The following MAD1L1 variants were observed in gnomAD, a reference collection of about 807,000 sequenced individuals.
The protein encoded by MAD1L1 is mitotic spindle assembly checkpoint protein MAD1.
MAD1L1 carries 95 observed loss-of-function variants against 96.9 expected under a neutral mutation model. That is an observed-to-expected ratio of 0.98 (90% CI 0.83 to 1.16). The LOEUF (loss-of-function observed/expected upper bound fraction) is 1.16. MAD1L1 is among the 50% of genes most tolerant of loss of function. The pLI is 0.00. For missense variants in MAD1L1, 1,007 were observed against 954.4 expected, an observed-to-expected ratio of 1.06 and a Z score of -0.73; for synonymous variants, 473 against 396.6, an observed-to-expected ratio of 1.19 and a Z score of -2.29.
Position 1,816,033 on chromosome 7 carries a change from A to G in MAD1L1, c.*37T>C. 6.4e-7 allele frequency: 1 copy of G among 1,569,750 alleles called. No individual in the cohort carries two copies. Among genetic ancestry groups the G allele is most frequent in the Non-Finnish European group, 8.6e-7 (1 of 1,157,374 alleles). Reference sequence around the variant, plus strand: ...GGCAGGGGACCTGCAGGTCAGGCCAAGCAGAGTGGCTCCGGCTATGCCCCC... The same window carrying G: ...GGCAGGGGACCTGCAGGTCAGGCCAGGCAGAGTGGCTCCGGCTATGCCCCC... On this transcript the variant is annotated 3_prime_UTR_variant, in exon 19 of 19. Coordinates refer to ENST00000265854, the MANE Select transcript of MAD1L1 (RefSeq NM_001013836.2).
At chr7:2,163,921 C>G (rs1419116205) in intron 10 of MAD1L1, among the ~76,000 whole-genome samples, 1 of 151,968 alleles carries the variant, frequency 6.6e-6, no homozygotes, top group Non-Finnish European at 1.5e-5. Flanking sequence ...TTCTGCAAAC[C>G]ATCCCAAGCA....
At chr7:1,863,611 C>T (rs1324153347) in intron 18 of MAD1L1, among the ~76,000 whole-genome samples, 1 of 152,224 alleles carries the variant, frequency 6.6e-6, no homozygotes, top group Non-Finnish European at 1.5e-5. Context: ...TTGCAGAGAC[C>T]GTCACCTGCC....
intron 12 of MAD1L1, among the ~76,000 whole-genome samples, chr7:2,054,014 G>T (rs1346314871): frequency 6.6e-6 from 1 of 152,210 alleles, no homozygotes; most frequent in Non-Finnish European, 1.5e-5. Flanking sequence ...GGCGGGAGGG[G>T]TCAGGGCTGC....
At position 2,028,479 on chromosome 7, in the gene MAD1L1, C is replaced by A. The variant is rs1051442360; in HGVS notation, c.1219-13837G>T. On this transcript the variant is annotated intron_variant, in intron 12 of 18. Coordinates refer to ENST00000265854, the MANE Select transcript of MAD1L1 (RefSeq NM_001013836.2). Reference sequence around the variant, plus strand: ...AAACACATGTTAGCATATAGTACGTCCATGGATTAGAAGATTCAATATTGT... The same window carrying A: ...AAACACATGTTAGCATATAGTACGTACATGGATTAGAAGATTCAATATTGT... Among the ~76,000 whole-genome samples, 28 of 151,700 alleles carry A rather than the reference C, an allele frequency of 1.8e-4. 1 individual carries two copies.
At chr7:2,080,933 T>C (rs1466193151) in intron 11 of MAD1L1, among the ~76,000 whole-genome samples, 1 of 152,156 alleles carries the variant, frequency 6.6e-6, no homozygotes, top group Non-Finnish European at 1.5e-5. Flanking sequence ...TGGCCTGCAC[T>C]TTGTGACATT....
rs1562419180 is a variant in MAD1L1, at chr7:1,816,174, T to C, written c.2053A>G (p.Thr685Ala). Residue 685 changes from threonine to alanine, a missense_variant, in exon 19 of 19, where the codon ACC becomes GCC. Physicochemically the swap from Thr to Ala is moderately conservative, Grantham distance 58. Coordinates refer to ENST00000265854, the MANE Select transcript of MAD1L1 (RefSeq NM_001013836.2). ...MQLLETEFSH[T>A]VGELIEVHLR... ...TGCACCTCGATGAGCTCGCCCACGG[T>C]GTGTGAGAACTCTGTCTCCAGTAGC... The C allele has an allele frequency of 2.5e-6, 4 of 1,613,372 alleles. No homozygotes were observed. Among genetic ancestry groups the C allele is most frequent in the Non-Finnish European group, 1.7e-6 (2 of 1,179,848 alleles).
intron 11 of MAD1L1, among the ~76,000 whole-genome samples, chr7:2,111,798 G>A (rs1348535831): frequency 1.3e-5 from 2 of 151,912 alleles, no homozygotes; most frequent in Admixed American, 6.5e-5. Flanking sequence ...TGCACACACA[G>A]CAAACGCACA....
intron 18 of MAD1L1, among the ~76,000 whole-genome samples, chr7:1,853,233 TG>T (rs1784071742): frequency 6.6e-6 from 1 of 152,146 alleles, no homozygotes; most frequent in Admixed American, 6.5e-5. Context: ...CTGCTGACTG[TG>T]GGAACTTGCC....
At chr7:2,141,086 A>G (rs995160413) in intron 11 of MAD1L1, among the ~76,000 whole-genome samples, 1 of 152,222 alleles carries the variant, frequency 6.6e-6, no homozygotes, top group Non-Finnish European at 1.5e-5. Flanking sequence ...CAGACCCCAG[A>G]GCCCAGCGGC....
intron 12 of MAD1L1, among the ~76,000 whole-genome samples, chr7:2,053,255 G>A (rs554396412): frequency 1.8e-4 from 28 of 152,310 alleles, no homozygotes; most frequent in African/African-American, 5.1e-4. Context: ...TTTGGGGGCC[G>A]CGGAGGCCCA....
chr7:2,107,960 GA>G, intron 11 of MAD1L1, among the ~76,000 whole-genome samples: 1 of 152,124 alleles, frequency 6.6e-6, no homozygotes, highest in Non-Finnish European at 1.5e-5. Flanking sequence ...CCAGGCAGGG[GA>G]CAGGAGACAC....
chr7:2,091,030 G>A (rs1381535248), intron 11 of MAD1L1, among the ~76,000 whole-genome samples: 5 of 152,158 alleles, frequency 3.3e-5, no homozygotes, highest in South Asian at 2.1e-4. Flanking sequence ...TTTATTTGAC[G>A]CGTCGGGTTA....
At chr7:2,026,659 G>A (rs1732255164) in intron 12 of MAD1L1, among the ~76,000 whole-genome samples, 1 of 152,152 alleles carries the variant, frequency 6.6e-6, no homozygotes, top group African/African-American at 2.4e-5. Flanking sequence ...ATCACCAGAT[G>A]TTGGGAATTT....
intron 11 of MAD1L1, among the ~76,000 whole-genome samples, chr7:2,129,544 GGCA>G (rs1788410019): frequency 6.6e-6 from 1 of 152,134 alleles, no homozygotes; most frequent in African/African-American, 2.4e-5. Flanking sequence ...TCACACACGA[GGCA>G]GCAGGACAGG....
rs745956843 is a variant in MAD1L1 at position 2,114,314 on chromosome 7, C to T, written c.1073+34838G>A. Among the ~76,000 whole-genome samples the T allele has an allele frequency of 3.3e-5, 5 of 152,206 alleles. No individual in the cohort carries two copies. The highest frequency in any genetic ancestry group is 7.3e-5 in the Non-Finnish European group (5 of 68,044). ...CACCTCGGGCGGGAGAGCCCTGAGC[C>T]AGCCCACGGTCTGAGCAGGGAACCA... On this transcript the variant is annotated intron_variant, in intron 11 of 18. Transcript: ENST00000265854. The surrounding 1 kb of genome is among the most constrained non-coding windows in gnomAD (Gnocchi z 4.2).
chr7:1,877,941 A>ATTC (rs1339102578), intron 18 of MAD1L1, among the ~76,000 whole-genome samples: 1 of 152,218 alleles, frequency 6.6e-6, no homozygotes, highest in Non-Finnish European at 1.5e-5. Flanking sequence ...GATAAAACTT[A>ATTC]GAGTGATGAC....
At chr7:1,857,910 C>A (rs1353507794) in intron 18 of MAD1L1, among the ~76,000 whole-genome samples, 2 of 152,196 alleles carry the variant, frequency 1.3e-5, no homozygotes, top group African/African-American at 4.8e-5. Context: ...TCCACCCCGG[C>A]CCTGCAGAAC....
At chr7:2,143,565 C>T (rs1789148181) in intron 11 of MAD1L1, among the ~76,000 whole-genome samples, 1 of 151,814 alleles carries the variant, frequency 6.6e-6, no homozygotes, top group Non-Finnish European at 1.5e-5. Flanking sequence ...CCACTCATCA[C>T]ACCCAATGAC....
chr7:2,204,154 C>T lies in MAD1L1; in HGVS notation c.986+9058G>A, dbSNP rs141942432. Among the ~76,000 whole-genome samples, 917 of 152,332 alleles carry T rather than the reference C, an allele frequency of 6.0e-3. 8 individuals carry two copies. Among genetic ancestry groups the T allele is most frequent in the Non-Finnish European group, 5.6e-3 (379 of 68,032 alleles). On this transcript the variant is annotated intron_variant, in intron 10 of 18. Coordinates refer to ENST00000265854, the MANE Select transcript of MAD1L1 (RefSeq NM_001013836.2). ...ACGTAACAAAGACCCAGGAGGTGCA[C>T]GCAGCCGTGGCCGTAGGCCTTCCAT...
Sources: gnomAD v4.1 joint callset for allele counts (sites outside exome capture counted in the v4.1 genomes callset) on GRCh38, gnomAD v4.1.1 for gene constraint, Gnocchi (gnomAD v3.1) non-coding constraint, MANE v1.5 for transcripts, NCBI Gene and HGNC (gene_info 2026-07-23, HGNC 2026-07-21) for gene names.